Variants in UBE2V2 observed in about 807,000 individuals in gnomAD.
UBE2V2 encodes the protein ubiquitin conjugating enzyme E2 V2.
Under a neutral mutation model 17.2 loss-of-function variants are expected in UBE2V2, and 9 were observed. The observed-to-expected ratio is 0.52, with a 90% confidence interval of 0.32 to 0.91. The LOEUF (loss-of-function observed/expected upper bound fraction) is 0.91, where lower values mean the gene tolerates loss of function less well. Among genes scored for constraint, UBE2V2 ranks in the 40% least tolerant of loss-of-function variants. The pLI is 0.04. For synonymous variants in UBE2V2, 61 were observed against 57.5 expected, an observed-to-expected ratio of 1.06 and a Z score of -0.28; for missense variants, 133 against 182.6, an observed-to-expected ratio of 0.73 and a Z score of 1.56.
At chr8:47,999,271 G>A in the UBE2V2 span, among the ~76,000 whole-genome samples, 1 of 152,154 alleles carries the variant, frequency 6.6e-6, no homozygotes, top group Non-Finnish European at 1.5e-5. Context: ...ACTGAGAACT[G>A]AGGAGAGCAA....
chr8:48,059,816 A>T (rs1305337529), intron 3 of UBE2V2, among the ~76,000 whole-genome samples: 1 of 152,124 alleles, frequency 6.6e-6, no homozygotes, highest in African/African-American at 2.4e-5. Context: ...GTGTGAGTGG[A>T]GTTTTCCAGG....
chr8:48,001,909 G>A, the UBE2V2 span, among the ~76,000 whole-genome samples: 2 of 152,142 alleles, frequency 1.3e-5, no homozygotes, highest in African/African-American at 4.8e-5. Flanking sequence ...GACCAACATA[G>A]TGAAACCCCA....
chr8:48,027,952 C>G (rs909939239), intron 1 of UBE2V2, among the ~76,000 whole-genome samples: 11 of 151,864 alleles, frequency 7.2e-5, no homozygotes, highest in Non-Finnish European at 2.9e-5. Flanking sequence ...CTCCTGGGTT[C>G]AAGCGATTCT....
At chr8:47,997,811 G>A in the UBE2V2 span, among the ~76,000 whole-genome samples, 1 of 151,906 alleles carries the variant, frequency 6.6e-6, no homozygotes, top group Non-Finnish European at 1.5e-5. Context: ...GAGAGACGGA[G>A]GTAGAGCCGG....
intron 3 of UBE2V2, chr8:48,050,535 G>C (rs2091529748): frequency 1.3e-5 from 2 of 152,008 alleles, no homozygotes; most frequent in Admixed American, 1.3e-4. Flanking sequence ...CTGGCCAAAA[G>C]TTTTCTTAGG....
chr8:48,016,325 C>G (rs548108838), intron 1 of UBE2V2, among the ~76,000 whole-genome samples: 17 of 152,266 alleles, frequency 1.1e-4, no homozygotes, highest in African/African-American at 4.1e-4. Flanking sequence ...GCTATATATG[C>G]AGTAGCAGGA....
intron 2 of UBE2V2, 101 bp from the exon 3 acceptor site, chr8:48,049,752 C>T (rs565812733): frequency 9.6e-4 from 1,011 of 1,052,556 alleles, no homozygotes; most frequent in Middle Eastern, 2.7e-3. Context: ...CACTGTCTTA[C>T]GTACATTCAT....
At chr8:48,045,680 C>T (rs1166353175) in intron 2 of UBE2V2, among the ~76,000 whole-genome samples, 4 of 152,092 alleles carry the variant, frequency 2.6e-5, no homozygotes, top group African/African-American at 9.7e-5. Flanking sequence ...CCTTTGAGTG[C>T]CAGGCAGAGG....
the UBE2V2 span, among the ~76,000 whole-genome samples, chr8:48,000,953 T>C: frequency 1.3e-4 from 19 of 151,968 alleles, no homozygotes; most frequent in Non-Finnish European, 2.1e-4. Context: ...TTTTGATGCA[T>C]TGACGACTTG....
rs1349712654 is a variant in UBE2V2 at position 48,064,706 on chromosome 8, C to A, written c.*3878C>A. ...TTTCAATAAAGGAGTTGTGCAAACT[C>A]AAGGAGTGAGTTACATGATTGAAAA... is the stretch of plus-strand genomic sequence containing the variant. On this transcript the variant is annotated 3_prime_UTR_variant, in exon 4 of 4. Transcript: ENST00000523111. 4 of 151,742 alleles carry A rather than the reference C, an allele frequency of 2.6e-5. No homozygotes were observed. Among genetic ancestry groups the A allele is most frequent in the Non-Finnish European group, 5.9e-5 (4 of 67,960 alleles). The allele number at this position is 151,742 out of a possible 1,614,324, so 9.4% of individuals were successfully genotyped here.
At chr8:48,052,323 T>A (rs538250356) in intron 3 of UBE2V2, among the ~76,000 whole-genome samples, 76 of 152,344 alleles carry the variant, frequency 5.0e-4, no homozygotes, top group Middle Eastern at 3.4e-3. Context: ...TACTGTTTTG[T>A]TTTTACATTA....
intron 1 of UBE2V2, among the ~76,000 whole-genome samples, chr8:48,040,040 CTTT>C (rs56888818): frequency 1.4e-5 from 2 of 140,326 alleles, no homozygotes; most frequent in African/African-American, 5.2e-5. Context: ...GCCTTTTCTA[CTTT>C]TTTTTTTTTT....
rs45439791 is a variant in UBE2V2, at chr8:48,023,976, C to A, written c.16+15506C>A. Reference sequence around the variant, plus strand: ...AAAGAGCTGATTAAAATAAGTTTGACATATGTAAGATGGGACTTCAGGACT... The same window carrying A: ...AAAGAGCTGATTAAAATAAGTTTGAAATATGTAAGATGGGACTTCAGGACT... On this transcript the variant is annotated intron_variant, in intron 1 of 3. Coordinates refer to ENST00000523111, the MANE Select transcript of UBE2V2 (RefSeq NM_003350.3). Among the ~76,000 whole-genome samples, 250 of 152,240 alleles carry A rather than the reference C, an allele frequency of 1.6e-3. 2 individuals carry two copies. The highest frequency in any genetic ancestry group is 5.8e-3 in the African/African-American group (239 of 41,542).
chr8:48,016,207 T>C (rs1589850105), intron 1 of UBE2V2, among the ~76,000 whole-genome samples: 1 of 152,232 alleles, frequency 6.6e-6, no homozygotes, highest in African/African-American at 2.4e-5. Flanking sequence ...TATCCATTTG[T>C]TGGTTGATGG....
rs1437663961 is a variant in UBE2V2, at chr8:48,024,933, C to T, written c.16+16463C>T. On this transcript the variant is annotated intron_variant, in intron 1 of 3. Coordinates refer to ENST00000523111, the MANE Select transcript of UBE2V2 (RefSeq NM_003350.3). ...TACATATATATTATTTGTTCCCTTA[C>T]TGATTTTTTTTTTTTTTTTTAGAAC... 2.0e-5 allele frequency among the ~76,000 whole-genome samples: 3 copies of T among 150,662 alleles called. 1 individual carries two copies. The Admixed American group carries it at 2.0e-4, about 10-fold the overall frequency.
upstream of UBE2V2, chr8:48,008,426 C>A (rs371620636): frequency 1.3e-6 from 2 of 1,561,022 alleles, no homozygotes; most frequent in Non-Finnish European, 1.7e-6. Flanking sequence ...TGCGTGCGTG[C>A]GGGCGGCTGC....
intron 1 of UBE2V2, among the ~76,000 whole-genome samples, chr8:48,026,662 A>G (rs746420928): frequency 1.3e-5 from 2 of 151,572 alleles, no homozygotes; most frequent in Admixed American, 6.6e-5. Context: ...GTGTAGATTT[A>G]TATATTATGT....
upstream of UBE2V2, among the ~76,000 whole-genome samples, chr8:48,005,369 T>G (rs534794226): frequency 2.6e-5 from 4 of 152,222 alleles, no homozygotes; most frequent in Non-Finnish European, 5.9e-5. Context: ...TATGGCTGCA[T>G]AGTATTCCAT....
chr8:48,055,073 G>A (rs2091563022), intron 3 of UBE2V2, among the ~76,000 whole-genome samples: 1 of 151,758 alleles, frequency 6.6e-6, no homozygotes, highest in Admixed American at 6.6e-5. Flanking sequence ...AAACTGTTCA[G>A]TTATGGAATC....
Sources: gnomAD v4.1 joint callset for allele counts (sites outside exome capture counted in the v4.1 genomes callset) on GRCh38, gnomAD v4.1.1 for gene constraint, MANE v1.5 for transcripts, NCBI Gene and HGNC (gene_info 2026-07-23, HGNC 2026-07-21) for gene names.